TRPS1: variants seen among roughly 807,000 people sequenced by gnomAD.
TRPS1 encodes zinc finger transcription factor Trps1.
In TRPS1, 6 loss-of-function variants were observed where a neutral mutation model predicts 101.2. That is an observed-to-expected ratio of 0.06 (90% confidence interval 0.03 to 0.12). The LOEUF (loss-of-function observed/expected upper bound fraction) is 0.12. Ranked by LOEUF, TRPS1 falls within the 10% of genes least tolerant of loss-of-function variation. The pLI is 1.00. For missense variants in TRPS1, 1,363 were observed against 1,567.0 expected (o/e 0.87, Z 2.20); for synonymous variants, 578 against 589.8 (o/e 0.98, Z 0.29).
chr8:115,533,148 G>C (rs1052509533), intron 5 of TRPS1, among the ~76,000 whole-genome samples: 2 of 152,142 alleles, frequency 1.3e-5, no homozygotes, highest in African/African-American at 4.8e-5. Flanking sequence ...GAATATGAGA[G>C]AGTAAATTCT....
In TRPS1 at chr8:115,619,470, G is replaced by C; in HGVS notation, c.628C>G (p.Leu210Val). The change falls in exon 3 of 7, where the codon CTG becomes GTG. Residue 210 changes from leucine (L) to valine (V), a missense_variant. Physicochemically the swap from Leu to Val is conservative, Grantham distance 32. Transcript: ENST00000395715. ...AGTAAGTCAGTTTTGGATTTATTCA[G>C]TCTTACACCCCCATCTGAAGGCACT... ...PQVPSDGGVR[L>V]NKSKTDLLVN... 6.2e-7 allele frequency: 1 copy of C among 1,614,210 alleles called. No homozygotes were observed. Among genetic ancestry groups the C allele is most frequent in the Non-Finnish European group, 8.5e-7 (1 of 1,180,042 alleles).
chr8:115,640,913 C>T (rs1256515100), intron 1 of TRPS1, among the ~76,000 whole-genome samples: 1 of 152,174 alleles, frequency 6.6e-6, no homozygotes, highest in Non-Finnish European at 1.5e-5. Context: ...GGAACTTCTA[C>T]ATTTATTCAG....
At chr8:115,471,718 T>C (rs1276809510) in intron 5 of TRPS1, among the ~76,000 whole-genome samples, 1 of 152,192 alleles carries the variant, frequency 6.6e-6, no homozygotes, top group East Asian at 1.9e-4. Context: ...AGTTACTTCC[T>C]AGATACAATG....
At chr8:115,531,977 T>C (rs1816144026) in intron 5 of TRPS1, among the ~76,000 whole-genome samples, 1 of 152,046 alleles carries the variant, frequency 6.6e-6, no homozygotes. Flanking sequence ...GCTGTTGCCA[T>C]GAGGAATGAC....
intron 1 of TRPS1, chr8:115,668,099 T>A: frequency 1.6e-6 from 1 of 610,422 alleles, no homozygotes; most frequent in Non-Finnish European, 2.9e-6. Context: ...AAATGGGGAT[T>A]TGTTTTTCCT....
intron 5 of TRPS1, among the ~76,000 whole-genome samples, chr8:115,434,770 C>T (rs532765124): frequency 6.6e-6 from 1 of 152,276 alleles, no homozygotes; most frequent in East Asian, 1.9e-4. Context: ...CCCTCTATTT[C>T]TTTGAATGCT....
chr8:115,418,519 A>G lies in TRPS1; in HGVS notation c.2701-67T>C, dbSNP rs1812977231. The G allele has an allele frequency of 1.2e-6, 2 of 1,610,764 alleles. No individual in the cohort carries two copies. The highest frequency in any genetic ancestry group is 1.7e-5 in the Admixed American group (1 of 59,984). On this transcript the variant is annotated intron_variant, in intron 5 of 6. Coordinates refer to ENST00000395715, the MANE Select transcript of TRPS1 (RefSeq NM_014112.5). The surrounding 1 kb of genome is among the most constrained non-coding windows in gnomAD (Gnocchi z 4.3). ...TGATCAGTGGAGTTAGACCAAATCA[A>G]CCCAGGAGTTTTGTCTTTAAACTAG...
chr8:115,574,003 C>T (rs1281473240), intron 5 of TRPS1, among the ~76,000 whole-genome samples: 1 of 152,160 alleles, frequency 6.6e-6, no homozygotes, highest in Non-Finnish European at 1.5e-5. Flanking sequence ...TAATCATTCT[C>T]GTCTCCCTTC....
intron 5 of TRPS1, among the ~76,000 whole-genome samples, chr8:115,557,834 GCAC>G (rs1215613905): frequency 1.3e-5 from 2 of 152,038 alleles, no homozygotes; most frequent in Admixed American, 1.3e-4. Context: ...CATCCCAATA[GCAC>G]CACATGTTTC....
intron 5 of TRPS1, among the ~76,000 whole-genome samples, chr8:115,426,328 A>T (rs933617383): frequency 6.6e-6 from 1 of 152,070 alleles, no homozygotes; most frequent in Admixed American, 6.6e-5. Context: ...TAATAAGCAG[A>T]TTTATTCTGG....
chr8:115,640,175 T>C (rs190306900), intron 1 of TRPS1, among the ~76,000 whole-genome samples: 2 of 152,330 alleles, frequency 1.3e-5, no homozygotes, highest in African/African-American at 2.4e-5. Context: ...AAAAAAATTC[T>C]CTATAAAAGG....
chr8:115,568,762 T>C (rs1817133145), intron 5 of TRPS1, among the ~76,000 whole-genome samples: 1 of 152,114 alleles, frequency 6.6e-6, no homozygotes, highest in African/African-American at 2.4e-5. Context: ...GCAAATACAC[T>C]TCTTTTACTA....
chr8:115,502,551 A>C (rs1277276049), intron 5 of TRPS1, among the ~76,000 whole-genome samples: 1 of 152,190 alleles, frequency 6.6e-6, no homozygotes, highest in Non-Finnish European at 1.5e-5. Context: ...GTATCCATGC[A>C]AACACCAAAA....
intron 5 of TRPS1, among the ~76,000 whole-genome samples, chr8:115,561,161 A>C (rs1468834115): frequency 6.6e-6 from 1 of 152,192 alleles, no homozygotes; most frequent in Admixed American, 6.6e-5. Flanking sequence ...TGAATATTAC[A>C]CCAATTTTTG....
At chr8:115,422,631 G>T (rs1396129134) in intron 5 of TRPS1, among the ~76,000 whole-genome samples, 2 of 152,168 alleles carry the variant, frequency 1.3e-5, no homozygotes, top group African/African-American at 2.4e-5. Flanking sequence ...CTCCCAAAGT[G>T]CTGGGATTAC....
At chr8:115,659,239 A>T (rs2130625166) in intron 1 of TRPS1, among the ~76,000 whole-genome samples, 2 of 152,100 alleles carry the variant, frequency 1.3e-5, no homozygotes, top group South Asian at 4.1e-4. Context: ...CAATCCTTGA[A>T]TGTGTAACTA....
chr8:115,556,293 G>C (rs1816818844), intron 5 of TRPS1, among the ~76,000 whole-genome samples: 1 of 152,062 alleles, frequency 6.6e-6, no homozygotes, highest in Admixed American at 6.6e-5. Flanking sequence ...AAGATAATAT[G>C]CCTGAATGGC....
At chr8:115,506,702 C>T (rs1367554350) in intron 5 of TRPS1, among the ~76,000 whole-genome samples, 7 of 152,108 alleles carry the variant, frequency 4.6e-5, no homozygotes, top group African/African-American at 7.2e-5. Context: ...ATTTTTATTG[C>T]TTTTCTTGAA....
intron 5 of TRPS1, among the ~76,000 whole-genome samples, chr8:115,442,181 T>A (rs1048442330): frequency 3.9e-5 from 6 of 152,124 alleles, no homozygotes; most frequent in African/African-American, 1.2e-4. Flanking sequence ...ATGTAGATAT[T>A]TAGGAGTCCT....
Sources: allele counts gnomAD v4.1 joint callset (sites outside exome capture counted in the v4.1 genomes callset), GRCh38; gene constraint gnomAD v4.1.1; non-coding constraint Gnocchi (gnomAD v3.1); transcripts MANE v1.5; gene names NCBI Gene and HGNC (gene_info 2026-07-23, HGNC 2026-07-21).